GTPBP10: variants seen among roughly 807,000 people sequenced by gnomAD.
The protein encoded by GTPBP10 is GTP-binding protein 10.
In GTPBP10, 38 loss-of-function variants were observed where a neutral mutation model predicts 44.8. The ratio of observed to expected loss-of-function variants is 0.85; its 90% CI spans 0.65 to 1.11. The LOEUF is 1.11. Among genes scored for constraint, GTPBP10 ranks in the 50% most tolerant of loss-of-function variants. GTPBP10 has a pLI of 0.00. For missense variants in GTPBP10, 462 were observed against 453.7 expected (o/e 1.02, Z -0.17); for synonymous variants, 152 against 150.6 (o/e 1.01, Z -0.07).
At chr7:90,357,052 T>G (rs181505755) in intron 4 of GTPBP10, among the ~76,000 whole-genome samples, 1 of 152,322 alleles carries the variant, frequency 6.6e-6, no homozygotes, top group East Asian at 1.9e-4. Flanking sequence ...CTAGCATAAG[T>G]AGATATCCTT....
rs536723859 is a variant in GTPBP10, at chr7:90,355,718, G to A, written c.464+488G>A. Among the ~76,000 whole-genome samples, 8 of 152,134 alleles carry A rather than the reference G, an allele frequency of 5.3e-5. No individual in the cohort carries two copies. The South Asian group carries it at 1.5e-3, about 28-fold the overall frequency. On this transcript the variant is annotated intron_variant, in intron 4 of 9. Transcript: ENST00000222511. ...ATCCTCAGACTTACGCACTGTTGCC[G>A]CCAAATTGAATCCTGCTATGACTGT...
At position 90,388,105 on chromosome 7, in the gene GTPBP10, T is replaced by G. The variant is rs1351349451; in HGVS notation, c.*2951T>G. On this transcript the variant is annotated 3_prime_UTR_variant, in exon 10 of 10. Coordinates refer to ENST00000222511, the MANE Select transcript of GTPBP10 (RefSeq NM_033107.4). ...GTGACTCACTAAGATGTTCAATTCA[T>G]TAGTATTTTCTGGTTACTCAAAGTG... 1 of 152,198 alleles carries G rather than the reference T, an allele frequency of 6.6e-6. No individual in the cohort carries two copies. Among genetic ancestry groups the G allele is most frequent in the African/African-American group, 2.4e-5 (1 of 41,452 alleles). 9.4% of individuals were successfully genotyped at this position (152,198 alleles called of 1,614,324 possible). A position where few individuals can be genotyped will look rare whatever the true frequency, so the allele number is the denominator to read the frequency against.
At chr7:90,369,775 C>T (rs988240342) in intron 4 of GTPBP10, among the ~76,000 whole-genome samples, 31 of 152,128 alleles carry the variant, frequency 2.0e-4, no homozygotes, top group Non-Finnish European at 3.5e-4. Flanking sequence ...TTGTGCTTCC[C>T]GGGTGAAGCA....
intron 4 of GTPBP10, among the ~76,000 whole-genome samples, chr7:90,366,926 T>G (rs542753621): frequency 2.0e-5 from 3 of 152,316 alleles, no homozygotes; most frequent in Admixed American, 2.0e-4. Context: ...GGGCATTTAG[T>G]GCTATAAATT....
Position 90,377,522 on chromosome 7 carries a change from CT to C in GTPBP10, c.609del (p.Pro204ArgfsTer3). 1.2e-6 allele frequency: 2 copies of C among 1,606,456 alleles called. No individual in the cohort carries two copies. Among genetic ancestry groups the C allele is most frequent in the Non-Finnish European group, 1.7e-6 (2 of 1,176,326 alleles). ...SDFKQISVAD[L>X]PGLIEGAHMN... ...TTTGTATTAGATATCAGTAGCTGATCTTCCGGGTTTAATAGAAGGAGCACAT... is the reference window on the plus strand; with the variant it reads ...TTTGTATTAGATATCAGTAGCTGATCTCCGGGTTTAATAGAAGGAGCACAT... On this transcript the variant is annotated frameshift_variant, in exon 7 of 10. Transcript: ENST00000222511. LOFTEE classifies it high-confidence loss of function.
chr7:90,363,116 A>T lies in GTPBP10; in HGVS notation c.464+7886A>T, dbSNP rs1323600617. On this transcript the variant is annotated intron_variant, in intron 4 of 9. Transcript: ENST00000222511. Reference sequence around the variant, plus strand: ...TTGCCAGTCTGTGTCTTTTAGTTGGAGCATTTAGCCCATTTACATTTAAGG... The same window carrying T: ...TTGCCAGTCTGTGTCTTTTAGTTGGTGCATTTAGCCCATTTACATTTAAGG... Among the ~76,000 whole-genome samples, 3 of 152,046 alleles carry T rather than the reference A, an allele frequency of 2.0e-5. No homozygotes were observed. The East Asian group carries it at 5.8e-4, about 29-fold the overall frequency.
intron 4 of GTPBP10, among the ~76,000 whole-genome samples, chr7:90,367,733 C>T (rs1013207833): frequency 6.6e-5 from 10 of 152,120 alleles, no homozygotes; most frequent in Admixed American, 6.6e-4. Context: ...ACTCTTTATC[C>T]AGTTTGGCAA....
At chr7:90,370,580 T>C (rs1168828775) in intron 4 of GTPBP10, among the ~76,000 whole-genome samples, 1 of 152,146 alleles carries the variant, frequency 6.6e-6, no homozygotes, top group African/African-American at 2.4e-5. Flanking sequence ...AAAAACTATC[T>C]GTTGGGTACA....
intron 4 of GTPBP10, among the ~76,000 whole-genome samples, chr7:90,367,577 A>G (rs374589348): frequency 2.0e-5 from 3 of 151,976 alleles, no homozygotes; most frequent in Non-Finnish European, 4.4e-5. Flanking sequence ...TTTAAAGTCT[A>G]TTTTATCAGA....
intron 4 of GTPBP10, among the ~76,000 whole-genome samples, chr7:90,362,669 T>C (rs1796048514): frequency 6.6e-6 from 1 of 152,196 alleles, no homozygotes; most frequent in Non-Finnish European, 1.5e-5. Flanking sequence ...CAGAGCTGAG[T>C]TCAATTCCTG....
At chr7:90,382,801 T>C (rs1004109286) in intron 8 of GTPBP10, among the ~76,000 whole-genome samples, 155 bp from the exon 9 acceptor site, 2 of 152,210 alleles carry the variant, frequency 1.3e-5, no homozygotes, top group African/African-American at 4.8e-5. Context: ...CCAGAGTCAT[T>C]TTCTGAAATT....
rs563282214 is a variant in GTPBP10 at position 90,370,921 on chromosome 7, G to A, written c.465-1234G>A. Among the ~76,000 whole-genome samples, 23 of 151,966 alleles carry A rather than the reference G, an allele frequency of 1.5e-4. 1 individual carries two copies. In the South Asian group the frequency reaches 4.8e-3, roughly 32 times the overall value. ...ACTTGGGAGGCTGAGGCAGGAGAAT[G>A]GCGTGAACCGGGAGGTGGAGCTTGC... On this transcript the variant is annotated intron_variant, in intron 4 of 9. Coordinates refer to ENST00000222511, the MANE Select transcript of GTPBP10 (RefSeq NM_033107.4).
chr7:90,385,254 C>A lies in GTPBP10; in HGVS notation c.*100C>A. 1.2e-6 allele frequency: 1 copy of A among 819,654 alleles called. No homozygotes were observed. The highest frequency in any genetic ancestry group is 1.8e-6 in the Non-Finnish European group (1 of 543,860). 50.8% of individuals were successfully genotyped at this position (819,654 alleles called of 1,614,324 possible). A position where few individuals can be genotyped will look rare whatever the true frequency, so the allele number is the denominator to read the frequency against. ...TGGAGGACATGTTAAGTAAAATAAG[C>A]CAGGCTTAGAAAGACAAATGCTGCA... On this transcript the variant is annotated 3_prime_UTR_variant, in exon 10 of 10. Coordinates refer to ENST00000222511, the MANE Select transcript of GTPBP10 (RefSeq NM_033107.4).
Position 90,353,014 on chromosome 7 carries a change from G to C in GTPBP10, c.227+5G>C. On this transcript the variant is annotated splice_donor_5th_base_variant and intron_variant, in intron 2 of 9. Transcript: ENST00000222511. ...TGGAGTAGGAGCAAACAGCAAGTAAGTAATTACTGAATGACTTAAATTTTA... is the reference window on the plus strand; with the variant it reads ...TGGAGTAGGAGCAAACAGCAAGTAACTAATTACTGAATGACTTAAATTTTA... 1 of 1,535,286 alleles carries C rather than the reference G, an allele frequency of 6.5e-7. No individual in the cohort carries two copies. The highest frequency in any genetic ancestry group is 8.8e-7 in the Non-Finnish European group (1 of 1,134,112).
Position 90,384,933 on chromosome 7 carries a change from A to T in GTPBP10, c.943A>T (p.Thr315Ser). 2 of 1,612,224 alleles carry T rather than the reference A, an allele frequency of 1.2e-6. No individual in the cohort carries two copies. The highest frequency in any genetic ancestry group is 1.7e-6 in the Non-Finnish European group (2 of 1,178,658). ...TGAAAAAAACATGATTCCAGAGAGG[A>T]CTGTAGAGTTCCAACATATCATCCC... Reference protein sequence around the residue: ...LFEKNMIPERTVEFQHIIPIS... With the variant: ...LFEKNMIPERSVEFQHIIPIS... Residue 315 changes from threonine (T) to serine (S), a missense_variant, in exon 10 of 10, where the codon ACT (threonine) becomes TCT (serine). Coordinates refer to ENST00000222511, the MANE Select transcript of GTPBP10 (RefSeq NM_033107.4).
At chr7:90,357,497 A>G (rs1042126226) in intron 4 of GTPBP10, among the ~76,000 whole-genome samples, 9 of 152,186 alleles carry the variant, frequency 5.9e-5, no homozygotes, top group Non-Finnish European at 7.4e-5. Context: ...GATTTTTTTA[A>G]TGAGGGAAAT....
intron 5 of GTPBP10, 98 bp downstream of exon 5, chr7:90,372,326 C>T (rs1584642144): frequency 1.2e-6 from 1 of 868,084 alleles, no homozygotes; most frequent in East Asian, 2.7e-5. Context: ...CGGAGGGTAT[C>T]CTTAACTGAA....
Position 90,365,368 on chromosome 7 carries a change from CTTTTTT to C in GTPBP10, c.465-6767_465-6762del, listed in dbSNP as rs59645149. On this transcript the variant is annotated intron_variant, in intron 4 of 9. Transcript: ENST00000222511. ...TTTTGGACTGAGACTTTGGGGTTTT[CTTTTTT>C]TTTTTTTTTTTTTTTTTTTGAGACG... Among the ~76,000 whole-genome samples the C allele has an allele frequency of 1.3e-4, 12 of 90,366 alleles. No homozygotes were observed. In the South Asian group the frequency reaches 1.5e-3, roughly 11 times the overall value. The allele number at this position is 90,366 out of a possible 152,430, so 59.3% of individuals were successfully genotyped here.
At chr7:90,380,545 G>T (rs925966825) in intron 8 of GTPBP10, among the ~76,000 whole-genome samples, 4 of 152,040 alleles carry the variant, frequency 2.6e-5, no homozygotes, top group Non-Finnish European at 5.9e-5. Context: ...CATAAAAATT[G>T]TGTGTACTTA....
Sources: allele counts gnomAD v4.1 joint callset (sites outside exome capture counted in the v4.1 genomes callset), GRCh38; gene constraint gnomAD v4.1.1; transcripts MANE v1.5; gene names NCBI Gene and HGNC (gene_info 2026-07-23, HGNC 2026-07-21).